Variants in TRAF5 observed in about 807,000 individuals in gnomAD.
TRAF5 encodes the protein TNF receptor associated factor 5, also known as TNF receptor-associated factor 5.
In TRAF5, 48 loss-of-function variants were observed where a neutral mutation model predicts 64.5. The ratio of observed to expected loss-of-function variants is 0.74; its 90% confidence interval spans 0.59 to 0.95. The LOEUF is 0.95. Ranked by LOEUF, TRAF5 falls within the 40% of genes least tolerant of loss-of-function variation. TRAF5 has a pLI of 0.00. For missense variants in TRAF5, 545 were observed against 662.8 expected, an observed-to-expected ratio of 0.82 and a Z score of 1.95; for synonymous variants, 206 against 240.5, an observed-to-expected ratio of 0.86 and a Z score of 1.33.
intron 9 of TRAF5, among the ~76,000 whole-genome samples, chr1:211,370,729 G>C (rs571209099): frequency 6.1e-4 from 93 of 152,236 alleles, no homozygotes; most frequent in African/African-American, 2.2e-3. Flanking sequence ...TACTGAAAGT[G>C]AAAAACAAAA....
In TRAF5 at chr1:211,353,317, C is replaced by T; in HGVS notation, c.78C>T (p.Asp26=). The change falls in exon 2 of 11, where the codon GAC becomes GAT. Residue 26 remains aspartate, a synonymous_variant. Transcript: ENST00000261464. ...ATTCCGGCAACTCCATTTCCTTGGA[C>T]TTTGAGCCCAGTATAGAGTACCAGT... ...RQNSGNSISL[D]FEPSIEYQFV... is the part of the protein sequence containing the mutation. The T allele has an allele frequency of 2.5e-6, 4 of 1,614,242 alleles. No homozygotes were observed. Among genetic ancestry groups the T allele is most frequent in the Non-Finnish European group, 3.4e-6 (4 of 1,180,054 alleles).
At chr1:211,347,273 A>G (rs1315366403) in intron 1 of TRAF5, among the ~76,000 whole-genome samples, 1 of 152,186 alleles carries the variant, frequency 6.6e-6, no homozygotes, top group East Asian at 1.9e-4. Flanking sequence ...TATATTTGTT[A>G]GGTAAAGAAG....
intron 3 of TRAF5, among the ~76,000 whole-genome samples, chr1:211,356,147 C>A (rs1449258574): frequency 6.6e-6 from 1 of 152,186 alleles, no homozygotes; most frequent in Non-Finnish European, 1.5e-5. Flanking sequence ...GTGCGCAGGG[C>A]ATTGTTACCT....
intron 1 of TRAF5, among the ~76,000 whole-genome samples, chr1:211,350,907 C>T (rs548477988): frequency 2.0e-4 from 31 of 152,178 alleles, no homozygotes; most frequent in Admixed American, 5.2e-4. Context: ...GAGGAGGTCT[C>T]GCCATGTTGC....
chr1:211,351,713 A>T (rs1476139511), intron 1 of TRAF5, among the ~76,000 whole-genome samples: 1 of 152,076 alleles, frequency 6.6e-6, no homozygotes, highest in African/African-American at 2.4e-5. Flanking sequence ...CATTTGTTGA[A>T]AAGACTTATC....
intron 9 of TRAF5, among the ~76,000 whole-genome samples, chr1:211,371,063 A>G (rs1703505980): frequency 6.6e-6 from 1 of 152,206 alleles, no homozygotes; most frequent in South Asian, 2.1e-4. Flanking sequence ...GATAAAAATC[A>G]GATAAAGAAA....
In TRAF5 at chr1:211,372,110, T is replaced by A. The variant is rs771403888; in HGVS notation, c.1100-18T>A. 2 of 1,521,204 alleles carry A rather than the reference T, an allele frequency of 1.3e-6. No homozygotes were observed. The highest frequency in any genetic ancestry group is 1.4e-5 in the African/African-American group (1 of 71,488). 94.2% of individuals were successfully genotyped at this position (1,521,204 alleles called of 1,614,324 possible). A position where few individuals can be genotyped will look rare whatever the true frequency, so the allele number is the denominator to read the frequency against. On this transcript the variant is annotated intron_variant, in intron 10 of 10. Transcript: ENST00000261464. ...TTAGGCCTATGGAATCTTTTTTTTT[T>A]TTTTTTCTTATTTGCAGCCGTTTTA... is the stretch of plus-strand genomic sequence containing the variant.
chr1:211,363,965 T>TA (rs1703267925), intron 7 of TRAF5, among the ~76,000 whole-genome samples: 1 of 151,850 alleles, frequency 6.6e-6, no homozygotes, highest in African/African-American at 2.4e-5. Flanking sequence ...AAAATGATCT[T>TA]TACAGTCAGG....
chr1:211,352,635 GA>G (rs1030221200), intron 1 of TRAF5, among the ~76,000 whole-genome samples: 2 of 151,254 alleles, frequency 1.3e-5, no homozygotes, highest in African/African-American at 2.4e-5. Context: ...CTGAAAAAAA[GA>G]AAAAAAGTAT....
chr1:211,350,189 T>C (rs533839966), intron 1 of TRAF5, among the ~76,000 whole-genome samples: 4 of 151,258 alleles, frequency 2.6e-5, no homozygotes, highest in African/African-American at 9.7e-5. Context: ...AGCTTTGGTC[T>C]CAAACCCCAG....
At chr1:211,363,453 TACTG>T (rs1175243560) in intron 7 of TRAF5, among the ~76,000 whole-genome samples, 11 of 152,332 alleles carry the variant, frequency 7.2e-5, no homozygotes, top group Non-Finnish European at 1.6e-4. Context: ...TGTATATCCT[TACTG>T]ACACTCTGGT....
chr1:211,371,181 AT>A (rs1381258441), intron 9 of TRAF5, 120 bp from the exon 10 acceptor site: 1 of 956,786 alleles, frequency 1.0e-6, no homozygotes, highest in Non-Finnish European at 1.5e-6. Flanking sequence ...CTGGGCTTGT[AT>A]TTTTCATTCT....
intron 1 of TRAF5, among the ~76,000 whole-genome samples, chr1:211,352,456 A>G (rs1702816279): frequency 6.6e-6 from 1 of 150,816 alleles, no homozygotes; most frequent in African/African-American, 2.4e-5. Context: ...AAAAAAAAAA[A>G]AAAAAGTTTT....
Position 211,366,690 on chromosome 1 carries a change from T to C in TRAF5, c.789+1222T>C, listed in dbSNP as rs1703366731. 2.0e-5 allele frequency among the ~76,000 whole-genome samples: 3 copies of C among 152,094 alleles called. No individual in the cohort carries two copies. The South Asian group carries it at 6.2e-4, about 32-fold the overall frequency. ...GAGCTTGCACTGAAGCAGGGAGGCA[T>C]AAGAAATCCTGATGAGTCAAGGAAA... On this transcript the variant is annotated intron_variant, in intron 8 of 10. Transcript: ENST00000261464.
chr1:211,353,181 T>A, intron 1 of TRAF5, 58 bp from the exon 2 acceptor site: 1 of 1,486,910 alleles, frequency 6.7e-7, no homozygotes, highest in Non-Finnish European at 9.4e-7. Context: ...ATCTGATGGC[T>A]GTGGTTGTTT....
rs373043517 is a variant in TRAF5 at position 211,366,458 on chromosome 1, C to T, written c.789+990C>T. 3.3e-5 allele frequency among the ~76,000 whole-genome samples: 5 copies of T among 152,192 alleles called. No homozygotes were observed. In the East Asian group the frequency reaches 7.7e-4, roughly 23 times the overall value. ...CACTGAGCCAAGGAAGATGTAGCCT[C>T]TACCCTTGAAGAACTAACATAAATG... On this transcript the variant is annotated intron_variant, in intron 8 of 10. Coordinates refer to ENST00000261464, the MANE Select transcript of TRAF5 (RefSeq NM_001033910.3).
chr1:211,336,064 A>T (rs1197106319), intron 1 of TRAF5, among the ~76,000 whole-genome samples: 1 of 152,176 alleles, frequency 6.6e-6, no homozygotes, highest in Admixed American at 6.5e-5. Context: ...AGAAAGGTTT[A>T]AAATCAACAT....
intron 7 of TRAF5, among the ~76,000 whole-genome samples, chr1:211,362,175 TTAAAA>T (rs1480201831): frequency 1.4e-4 from 22 of 152,168 alleles, no homozygotes; most frequent in African/African-American, 5.1e-4. Flanking sequence ...TTTAAATACT[TTAAAA>T]TAATAATGAA....
At chr1:211,354,382 C>A (rs374984411) in intron 2 of TRAF5, 28 bp from the exon 3 acceptor site, 1 of 1,612,092 alleles carries the variant, frequency 6.2e-7, no homozygotes. Context: ...ACAACTAACT[C>A]TGGCTCCATT....
Sources: gnomAD v4.1 joint callset for allele counts (sites outside exome capture counted in the v4.1 genomes callset) on GRCh38, gnomAD v4.1.1 for gene constraint, MANE v1.5 for transcripts, NCBI Gene and HGNC (gene_info 2026-07-23, HGNC 2026-07-21) for gene names.